EPC1: variants seen among roughly 807,000 people sequenced by gnomAD.
EPC1 encodes the protein enhancer of polycomb homolog 1.
A neutral mutation model predicts 98.4 loss-of-function variants in EPC1; 12 were observed. That is an observed-to-expected ratio of 0.12 (90% confidence interval 0.08 to 0.20). The LOEUF is 0.20. Ranked by LOEUF, EPC1 falls within the 10% of genes least tolerant of loss-of-function variation. EPC1 has a pLI of 1.00. For synonymous variants in EPC1, 357 were observed against 363.9 expected, an observed-to-expected ratio of 0.98 and a Z score of 0.21; for missense variants, 729 against 990.5, an observed-to-expected ratio of 0.74 and a Z score of 3.54.
Position 32,355,914 on chromosome 10 carries a change from G to A in EPC1, c.3+22577C>T, listed in dbSNP as rs976917944. On this transcript the variant is annotated intron_variant, in intron 1 of 13. Coordinates refer to the EPC1 transcript ENST00000375110. ...GTGTAAGCCACTGCACCTGGCCAGT[G>A]CCTTACACTTTTGAGTAGATAGACT... 6.6e-5 allele frequency among the ~76,000 whole-genome samples: 10 copies of A among 152,202 alleles called. No individual in the cohort carries two copies. In the East Asian group the frequency reaches 1.9e-3, roughly 29 times the overall value.
intron 11 of EPC1, 199 bp downstream of exon 11, chr10:32,272,964 T>TAACTAA: frequency 6.7e-7 from 1 of 1,495,776 alleles, no homozygotes; most frequent in Non-Finnish European, 9.3e-7. Flanking sequence ...CTAAGTGCTT[T>TAACTAA]AGTTTTACTT....
intron 10 of EPC1, among the ~76,000 whole-genome samples, chr10:32,278,425 A>G (rs1592537127): frequency 1.0e-5 from 1 of 97,150 alleles, no homozygotes; most frequent in South Asian, 4.2e-4. Flanking sequence ...TCTGTCGCCC[A>G]GGCTGGAGTG....
At chr10:32,320,681 G>C (rs1407558988) in intron 1 of EPC1, among the ~76,000 whole-genome samples, 1 of 151,958 alleles carries the variant, frequency 6.6e-6, no homozygotes, top group Non-Finnish European at 1.5e-5. Context: ...TGCAACCTCT[G>C]CTTCCTGGGC....
At chr10:32,362,271 G>A (rs1254600265) in intron 1 of EPC1, among the ~76,000 whole-genome samples, 2 of 152,012 alleles carry the variant, frequency 1.3e-5, no homozygotes, top group African/African-American at 4.8e-5. Context: ...GTTTAGATAT[G>A]TGTCCCTGCC....
At chr10:32,356,815 T>C (rs1839293254) in intron 1 of EPC1, among the ~76,000 whole-genome samples, 1 of 151,978 alleles carries the variant, frequency 6.6e-6, no homozygotes, top group Non-Finnish European at 1.5e-5. Flanking sequence ...AAACCCCATC[T>C]CTACTAAAAA....
intron 6 of EPC1, among the ~76,000 whole-genome samples, 190 bp from the exon 7 acceptor site, chr10:32,287,464 T>C (rs140686816): frequency 1.3e-5 from 2 of 152,288 alleles, no homozygotes; most frequent in African/African-American, 4.8e-5. Flanking sequence ...AAAGCATAAA[T>C]TTGTCCTACA....
chr10:32,316,558 T>C (rs1173526498), intron 1 of EPC1, among the ~76,000 whole-genome samples: 2 of 152,098 alleles, frequency 1.3e-5, no homozygotes, highest in African/African-American at 2.4e-5. Flanking sequence ...GGAGTAAAAA[T>C]AGCTTCGCAC....
chr10:32,288,800 G>A (rs1363642384), intron 6 of EPC1, among the ~76,000 whole-genome samples: 1 of 151,880 alleles, frequency 6.6e-6, no homozygotes, highest in Non-Finnish European at 1.5e-5. Flanking sequence ...AAATAGTTAA[G>A]AGTGGGAGGT....
chr10:32,346,472 C>G (rs964128340), intron 1 of EPC1: 2 of 367,306 alleles, frequency 5.4e-6, no homozygotes, highest in Admixed American at 4.3e-5. Context: ...CACAAAATGG[C>G]TGCCGGCAGC....
chr10:32,333,847 A>G (rs924674956), intron 1 of EPC1, among the ~76,000 whole-genome samples: 1 of 152,220 alleles, frequency 6.6e-6, no homozygotes, highest in Non-Finnish European at 1.5e-5. Context: ...ATGATTTTCA[A>G]CTAATAGATT....
At chr10:32,378,569 A>G in exon 1 of EPC1, 1 of 1,090,670 alleles carries the variant, frequency 9.2e-7, no homozygotes, top group Non-Finnish European at 1.3e-6. Flanking sequence ...GTCCCTAGAA[A>G]CAACAGCCTC....
At chr10:32,344,799 A>G (rs922603067) in intron 1 of EPC1, among the ~76,000 whole-genome samples, 2 of 148,296 alleles carry the variant, frequency 1.3e-5, no homozygotes, top group African/African-American at 5.3e-5. Context: ...AAAAGAAAAG[A>G]AGAAAAATCT....
intron 6 of EPC1, among the ~76,000 whole-genome samples, chr10:32,290,505 A>AAAAAAAAAAAAGAAAGAAAG (rs1554819136): frequency 1.3e-4 from 10 of 77,472 alleles, no homozygotes; most frequent in Admixed American, 3.1e-4. Context: ...AAAAAAAAAA[A>AAAAAAAAAAAAGAAAGAAAG]AAAGAAAGAA....
intron 5 of EPC1, 123 bp from the exon 6 acceptor site, chr10:32,291,445 T>A (rs1365092836): frequency 5.4e-6 from 4 of 734,468 alleles, no homozygotes; most frequent in Non-Finnish European, 2.1e-6. Context: ...ATCCATCACC[T>A]CACATAATTA....
intron 1 of EPC1, among the ~76,000 whole-genome samples, chr10:32,346,100 T>C (rs1564560898): frequency 6.6e-6 from 1 of 152,176 alleles, no homozygotes; most frequent in Admixed American, 6.5e-5. Flanking sequence ...AGTCTTATCT[T>C]CTAGAAAAGT....
intron 1 of EPC1, among the ~76,000 whole-genome samples, chr10:32,340,135 C>T (rs910387251): frequency 6.6e-6 from 1 of 152,194 alleles, no homozygotes; most frequent in African/African-American, 2.4e-5. Context: ...AAATAATCTG[C>T]TTTGCAATTC....
At chr10:32,324,369 A>T (rs1837130417) in intron 1 of EPC1, among the ~76,000 whole-genome samples, 1 of 151,290 alleles carries the variant, frequency 6.6e-6, no homozygotes, top group African/African-American at 2.4e-5. Context: ...CAGCCTGGCC[A>T]ACGTAGTGAA....
At chr10:32,292,139 C>T (rs1834885843) in intron 5 of EPC1, 1 of 154,188 alleles carries the variant, frequency 6.5e-6, no homozygotes, top group South Asian at 2.0e-4. Flanking sequence ...ATGGGCCTTT[C>T]TCCCTCTTTC....
At chr10:32,297,888 C>T (rs1388949265) in intron 2 of EPC1, among the ~76,000 whole-genome samples, 6 of 152,082 alleles carry the variant, frequency 3.9e-5, no homozygotes, top group Non-Finnish European at 8.8e-5. Flanking sequence ...AGCTCCGCCT[C>T]CCGGATTAAC....
Sources: allele counts gnomAD v4.1 joint callset (sites outside exome capture counted in the v4.1 genomes callset), GRCh38; gene constraint gnomAD v4.1.1; transcripts MANE v1.5; gene names NCBI Gene and HGNC (gene_info 2026-07-23, HGNC 2026-07-21).